The following AK9 variants were observed in gnomAD, a reference collection of about 807,000 sequenced individuals.
AK9 encodes adenylate kinase 9, also known as adenylate kinase domain containing 1.
In AK9, 191 loss-of-function variants were observed where a neutral mutation model predicts 239.6. The observed-to-expected ratio is 0.80, with a 90% CI of 0.71 to 0.90. The LOEUF (loss-of-function observed/expected upper bound fraction) is 0.90. Among genes scored for constraint, AK9 ranks in the 40% least tolerant of loss-of-function variants. The probability of loss-of-function intolerance (pLI) is 0.00; values close to 1 mark genes in which losing one functional copy is unlikely to be tolerated. For synonymous variants in AK9, 689 were observed against 721.0 expected (o/e 0.96, Z 0.71); for missense variants, 1,995 against 2,214.7 (o/e 0.90, Z 1.99).
intron 1 of AK9, among the ~76,000 whole-genome samples, chr6:109,684,271 G>A (rs12210706): frequency 0.35 from 52,601 of 152,002 alleles, 9,567 homozygotes; most frequent in South Asian, 0.44. Context: ...AGACTTAAAC[G>A]TAAGACCCAG....
chr6:109,540,493 C>T (rs1405434630), intron 27 of AK9, among the ~76,000 whole-genome samples: 1 of 152,190 alleles, frequency 6.6e-6, no homozygotes, highest in African/African-American at 2.4e-5. Flanking sequence ...TTTCCAGGTG[C>T]CATCTGTCAC....
intron 13 of AK9, among the ~76,000 whole-genome samples, chr6:109,618,058 T>C (rs79719650): frequency 0.043 from 6,496 of 152,294 alleles, 178 homozygotes; most frequent in South Asian, 0.089. Context: ...TGGCTATTAT[T>C]ACTTTTGTCA....
At chr6:109,503,255 T>C (rs980030431) in intron 35 of AK9, among the ~76,000 whole-genome samples, 4 of 152,122 alleles carry the variant, frequency 2.6e-5, no homozygotes, top group Non-Finnish European at 5.9e-5. Context: ...AGTATTCTAA[T>C]ACTATCTATT....
chr6:109,533,467 G>C lies in AK9; in HGVS notation c.3354C>G (p.Ser1118=), dbSNP rs746344760. The C allele has an allele frequency of 3.2e-6, 5 of 1,564,494 alleles. No individual in the cohort carries two copies. The East Asian group carries it at 1.1e-4, about 35-fold the overall frequency. Residue 1118 remains serine (S), a synonymous_variant, in exon 28 of 41, where the codon TCC becomes TCG. Transcript: ENST00000424296. ...GGAAACCATCTAATATAAAACCTGT[G>C]GAACTGGTGGAAATTTTCATAATTT... is the stretch of plus-strand genomic sequence containing the variant. ...SEWWLKEPIR[S]TGFILDGFPR... is the part of the protein sequence containing the mutation.
At chr6:109,556,442 T>A (rs1194486381) in intron 24 of AK9, among the ~76,000 whole-genome samples, 1 of 152,170 alleles carries the variant, frequency 6.6e-6, no homozygotes, top group Non-Finnish European at 1.5e-5. Context: ...CCCTTAACAG[T>A]TTTTCCTTCA....
chr6:109,514,708 T>C (rs561320413), intron 31 of AK9, among the ~76,000 whole-genome samples: 165 of 152,326 alleles, frequency 1.1e-3, no homozygotes, highest in Non-Finnish European at 2.0e-3. Flanking sequence ...GTTTAGTGTA[T>C]ACTGAATGTT....
At chr6:109,646,637 A>T (rs1393064505) in intron 8 of AK9, among the ~76,000 whole-genome samples, 1 of 152,242 alleles carries the variant, frequency 6.6e-6, no homozygotes, top group East Asian at 1.9e-4. Flanking sequence ...AGTGACAGGG[A>T]GAACAGACCT....
Position 109,610,468 on chromosome 6 carries a change from T to A in AK9, c.1739A>T (p.Glu580Val). Reference protein sequence around the residue: ...LIEEVTADHPEVVTMIEETIK... With the variant: ...LIEEVTADHPVVVTMIEETIK... ...AGTCTCTTCAATCATGGTCACAACC[T>A]CTGGATGATCTGCAGTTACCTCTTC... Residue 580 changes from glutamate (E) to valine (V), a missense_variant, in exon 17 of 41, where the codon GAG (glutamate) becomes GTG (valine). Physicochemically the swap from Glu to Val is moderately radical, Grantham distance 121. Around this residue, in one of 5 missense-constraint regions of AK9, gnomAD observed 1,290 missense variants for 1,392.7 expected, o/e 0.93. Coordinates refer to ENST00000424296, the MANE Select transcript of AK9 (RefSeq NM_001145128.3). 1 of 1,551,452 alleles carries A rather than the reference T, an allele frequency of 6.4e-7. No homozygotes were observed.
At chr6:109,581,243 GA>G (rs1788824017) in intron 19 of AK9, among the ~76,000 whole-genome samples, 1 of 151,926 alleles carries the variant, frequency 6.6e-6, no homozygotes, top group African/African-American at 2.4e-5. Context: ...CTTTTTAAGT[GA>G]AAAAAAGAGC....
chr6:109,579,365 A>G (rs1788526143), intron 20 of AK9, 185 bp downstream of exon 20: 2 of 551,646 alleles, frequency 3.6e-6, no homozygotes, highest in Non-Finnish European at 6.4e-6. Context: ...ATTATTTAGT[A>G]TACAAACTGG....
chr6:109,497,672 A>G, intron 37 of AK9, 109 bp from the exon 38 acceptor site: 1 of 1,366,950 alleles, frequency 7.3e-7, no homozygotes, highest in Non-Finnish European at 1.0e-6. Flanking sequence ...AGCTCAAGGA[A>G]GAAATAGAAT....
At chr6:109,629,903 G>A (rs556415773) in intron 12 of AK9, among the ~76,000 whole-genome samples, 5 of 152,234 alleles carry the variant, frequency 3.3e-5, no homozygotes, top group African/African-American at 9.6e-5. Flanking sequence ...AACGTGCTGG[G>A]ATTACAGGCG....
chr6:109,644,601 A>G lies in AK9; in HGVS notation c.834+13T>C. The G allele has an allele frequency of 6.2e-7, 1 of 1,603,072 alleles. No homozygotes were observed. Among genetic ancestry groups the G allele is most frequent in the Non-Finnish European group, 8.5e-7 (1 of 1,174,672 alleles). On this transcript the variant is annotated intron_variant, in intron 9 of 40. Coordinates refer to ENST00000424296, the MANE Select transcript of AK9 (RefSeq NM_001145128.3). ...CCATGCTGTGAAGTATTCCTGCTTA[A>G]CACTGCACTCACCATAAAGAGCTCC...
chr6:109,649,278 A>G (rs1339831804), intron 8 of AK9, among the ~76,000 whole-genome samples: 3 of 151,918 alleles, frequency 2.0e-5, no homozygotes, highest in Non-Finnish European at 4.4e-5. Context: ...AGGGTATTCA[A>G]TTAGGAAAAG....
intron 19 of AK9, among the ~76,000 whole-genome samples, chr6:109,581,140 C>T (rs1788806692): frequency 6.6e-6 from 1 of 151,892 alleles, no homozygotes; most frequent in South Asian, 2.1e-4. Flanking sequence ...CTGGCTGATC[C>T]CTTGACTCCC....
At chr6:109,509,072 C>A in intron 33 of AK9, 107 bp downstream of exon 33, 1 of 1,149,510 alleles carries the variant, frequency 8.7e-7, no homozygotes, top group East Asian at 2.6e-5. Context: ...GTAGATCACA[C>A]CCTTTATAAG....
chr6:109,580,294 G>C (rs574588630), intron 19 of AK9, among the ~76,000 whole-genome samples: 1 of 152,194 alleles, frequency 6.6e-6, no homozygotes, highest in Admixed American at 6.5e-5. Flanking sequence ...TAGGATTGAA[G>C]CACCAAACCG....
chr6:109,520,128 C>T (rs963512048), intron 29 of AK9, among the ~76,000 whole-genome samples: 4 of 152,024 alleles, frequency 2.6e-5, no homozygotes, highest in East Asian at 1.9e-4. Flanking sequence ...AGCTAAGCTC[C>T]CACTTGTCAA....
chr6:109,531,393 G>T (rs1451887287), intron 28 of AK9, among the ~76,000 whole-genome samples: 1 of 152,008 alleles, frequency 6.6e-6, no homozygotes, highest in East Asian at 1.9e-4. Context: ...TGATAAACTA[G>T]CTCCAGAAAC....
Sources: allele counts gnomAD v4.1 joint callset (sites outside exome capture counted in the v4.1 genomes callset), GRCh38; gene constraint gnomAD v4.1.1; regional missense constraint gnomAD v4.1.1; transcripts MANE v1.5; gene names NCBI Gene and HGNC (gene_info 2026-07-23, HGNC 2026-07-21).